The following PACS1 variants were observed in gnomAD, a reference collection of about 807,000 sequenced individuals.
PACS1 encodes the protein PACS-1.
A neutral mutation model predicts 115.0 loss-of-function variants in PACS1; 24 were observed. The ratio of observed to expected loss-of-function variants is 0.21; its 90% CI spans 0.15 to 0.29. PACS1 has a LOEUF of 0.29. Ranked by LOEUF, PACS1 falls within the 10% of genes least tolerant of loss-of-function variation. The probability of loss-of-function intolerance (pLI) is 1.00; values close to 1 mark genes in which losing one functional copy is unlikely to be tolerated. For synonymous variants in PACS1, 453 were observed against 504.5 expected (o/e 0.90, Z 1.37); for missense variants, 838 against 1,251.2 (o/e 0.67, Z 4.98).
At chr11:66,114,110 T>C (rs1397485906) in intron 1 of PACS1, among the ~76,000 whole-genome samples, 1 of 151,686 alleles carries the variant, frequency 6.6e-6, no homozygotes, top group Non-Finnish European at 1.5e-5. Flanking sequence ...CAGCTTGTTT[T>C]TTTTTCACAT....
At chr11:66,175,211 A>G (rs1859827847) in intron 1 of PACS1, among the ~76,000 whole-genome samples, 1 of 152,134 alleles carries the variant, frequency 6.6e-6, no homozygotes, top group South Asian at 2.1e-4. Flanking sequence ...AAATTAAACC[A>G]ATACGGTTTT....
intron 1 of PACS1, among the ~76,000 whole-genome samples, chr11:66,122,302 T>C (rs1323993620): frequency 3.9e-5 from 6 of 152,200 alleles, no homozygotes; most frequent in Non-Finnish European, 5.9e-5. Flanking sequence ...TTTCAAAATA[T>C]TACTGCTCAT....
At chr11:66,194,091 G>A (rs1338814919) in intron 2 of PACS1, among the ~76,000 whole-genome samples, 2 of 152,160 alleles carry the variant, frequency 1.3e-5, no homozygotes, top group African/African-American at 2.4e-5. Context: ...AGCCTCCCTT[G>A]TAGTTGGGAC....
chr11:66,101,585 GAGAA>G (rs1857921833), intron 1 of PACS1, among the ~76,000 whole-genome samples: 1 of 152,226 alleles, frequency 6.6e-6, no homozygotes, highest in Non-Finnish European at 1.5e-5. Context: ...AGTCAGGAAA[GAGAA>G]AGAGGAGGAG....
At chr11:66,142,402 G>A (rs892844244) in intron 1 of PACS1, among the ~76,000 whole-genome samples, 2 of 151,788 alleles carry the variant, frequency 1.3e-5, no homozygotes, top group African/African-American at 2.4e-5. Flanking sequence ...CACTGCAACC[G>A]CCACCTGATC....
At chr11:66,227,356 T>A in intron 10 of PACS1, 148 bp from the exon 11 acceptor site, 1 of 566,262 alleles carries the variant, frequency 1.8e-6, no homozygotes, top group Non-Finnish European at 3.2e-6. Flanking sequence ...TGTACCCGCC[T>A]CCCCGGCCCA....
chr11:66,219,661 A>G, intron 7 of PACS1, 85 bp from the exon 8 acceptor site: 1 of 987,136 alleles, frequency 1.0e-6, no homozygotes, highest in East Asian at 2.4e-5. Flanking sequence ...GCTCGTCATG[A>G]AAGTGGGCTC....
intron 1 of PACS1, among the ~76,000 whole-genome samples, chr11:66,136,963 T>C (rs937401561): frequency 6.6e-6 from 1 of 151,998 alleles, no homozygotes; most frequent in African/African-American, 2.4e-5. Flanking sequence ...GGCTTTTTTC[T>C]TCTTGATTTT....
chr11:66,091,379 A>G (rs1293763200), intron 1 of PACS1, among the ~76,000 whole-genome samples: 1 of 151,964 alleles, frequency 6.6e-6, no homozygotes, highest in Non-Finnish European at 1.5e-5. Flanking sequence ...GAGCTCAAGC[A>G]GTCCACCCAC....
At chr11:66,193,378 C>A in intron 1 of PACS1, 108 bp from the exon 2 acceptor site, 1 of 689,802 alleles carries the variant, frequency 1.4e-6, no homozygotes, top group Non-Finnish European at 2.6e-6. Context: ...CTGAGGACAG[C>A]GTTCTCACAT....
Position 66,198,162 on chromosome 11 carries a change from G to A in PACS1, c.444+4589G>A, listed in dbSNP as rs918010435. On this transcript the variant is annotated intron_variant, in intron 2 of 23. Transcript: ENST00000320580. ...ACTCCTGGCCTCAAGCAATCCTCTC[G>A]CCTTGACCTCCCAGTGCTGGGATTA... Among the ~76,000 whole-genome samples, 27 of 152,298 alleles carry A rather than the reference G, an allele frequency of 1.8e-4. 1 individual carries two copies. Among genetic ancestry groups the A allele is most frequent in the Admixed American group, 1.4e-3 (22 of 15,300 alleles).
chr11:66,215,525 G>A (rs1855180207), intron 4 of PACS1, among the ~76,000 whole-genome samples: 1 of 151,968 alleles, frequency 6.6e-6, no homozygotes. Flanking sequence ...ACTTGAGCCT[G>A]GGAGGTCGAG....
chr11:66,143,336 C>T (rs1859043387), intron 1 of PACS1, among the ~76,000 whole-genome samples: 1 of 152,162 alleles, frequency 6.6e-6, no homozygotes, highest in South Asian at 2.1e-4. Context: ...TGTTGGAGCA[C>T]TTTGGAGGCT....
intron 22 of PACS1, 56 bp downstream of exon 22, chr11:66,241,709 T>C: frequency 1.5e-6 from 2 of 1,375,306 alleles, no homozygotes; most frequent in African/African-American, 1.4e-5. Flanking sequence ...CCGTCTCGTC[T>C]CTCAGGGCCT....
intron 1 of PACS1, among the ~76,000 whole-genome samples, chr11:66,179,067 T>C (rs1401642077): frequency 1.3e-5 from 2 of 152,184 alleles, no homozygotes; most frequent in Admixed American, 6.5e-5. Flanking sequence ...GTTTAATTGT[T>C]TTAGTCACTC....
chr11:66,149,251 A>T (rs1346007489), intron 1 of PACS1, among the ~76,000 whole-genome samples: 3 of 151,382 alleles, frequency 2.0e-5, no homozygotes, highest in African/African-American at 7.3e-5. Flanking sequence ...GCCACCACAC[A>T]TGACTAATTT....
At chr11:66,200,864 G>A (rs1854773791) in intron 2 of PACS1, among the ~76,000 whole-genome samples, 1 of 151,202 alleles carries the variant, frequency 6.6e-6, no homozygotes, top group Non-Finnish European at 1.5e-5. Flanking sequence ...ATTAGCATGT[G>A]GATCATTCTC....
At chr11:66,123,235 G>A (rs1240914139) in intron 1 of PACS1, among the ~76,000 whole-genome samples, 3 of 147,418 alleles carry the variant, frequency 2.0e-5, no homozygotes, top group Non-Finnish European at 3.0e-5. Context: ...TTGGTTGCCC[G>A]GGCTAGAGTG....
intron 1 of PACS1, among the ~76,000 whole-genome samples, chr11:66,146,416 T>C (rs371744773): frequency 1.2e-4 from 19 of 152,020 alleles, no homozygotes; most frequent in East Asian, 3.9e-4. Context: ...GTAACTAAAA[T>C]TAAAAATTCA....
Sources: gnomAD v4.1 joint callset for allele counts (sites outside exome capture counted in the v4.1 genomes callset) on GRCh38, gnomAD v4.1.1 for gene constraint, MANE v1.5 for transcripts, NCBI Gene and HGNC (gene_info 2026-07-23, HGNC 2026-07-21) for gene names.